The following PTPRD variants were observed in gnomAD, a reference collection of about 807,000 sequenced individuals.
PTPRD encodes protein tyrosine phosphatase receptor type D, also known as receptor-type tyrosine-protein phosphatase delta.
Under a neutral mutation model 214.5 loss-of-function variants are expected in PTPRD, and 34 were observed. The observed-to-expected ratio is 0.16, with a 90% CI of 0.12 to 0.21. The LOEUF (loss-of-function observed/expected upper bound fraction) is 0.21, where lower values mean the gene tolerates loss of function less well. Among genes scored for constraint, PTPRD ranks in the 10% least tolerant of loss-of-function variants. The pLI is 1.00. For missense variants in PTPRD, 2,545 were observed against 2,398.7 expected, an observed-to-expected ratio of 1.06 and a Z score of -1.27; for synonymous variants, 1,128 against 845.7, an observed-to-expected ratio of 1.33 and a Z score of -5.79.
chr9:8,364,122 G>A (rs541904813), intron 39 of PTPRD, among the ~76,000 whole-genome samples: 1 of 152,360 alleles, frequency 6.6e-6, no homozygotes, highest in African/African-American at 2.4e-5. Flanking sequence ...AAATATAAAT[G>A]ATTCCAGCAG....
chr9:9,345,739 G>C (rs557459943), intron 9 of PTPRD, among the ~76,000 whole-genome samples: 2 of 151,624 alleles, frequency 1.3e-5, no homozygotes, highest in Admixed American at 6.6e-5. Context: ...TCAAACATTC[G>C]GTTCCTCCAT....
chr9:10,347,363 T>C (rs948888335), intron 2 of PTPRD, among the ~76,000 whole-genome samples: 4 of 152,140 alleles, frequency 2.6e-5, no homozygotes, highest in Non-Finnish European at 5.9e-5. Flanking sequence ...CTAGCATACT[T>C]TGTATGATTT....
intron 7 of PTPRD, among the ~76,000 whole-genome samples, chr9:9,689,097 G>C (rs1041357622): frequency 1.3e-5 from 2 of 151,828 alleles, no homozygotes; most frequent in Non-Finnish European, 2.9e-5. Context: ...AAGAATGTGA[G>C]TGTTTTTATC....
At chr9:8,513,468 C>A (rs2097721971) in intron 21 of PTPRD, among the ~76,000 whole-genome samples, 1 of 151,940 alleles carries the variant, frequency 6.6e-6, no homozygotes, top group African/African-American at 2.4e-5. Context: ...ATGTGAATGT[C>A]ACAGAATGAA....
At chr9:8,807,345 C>G (rs887197908) in intron 11 of PTPRD, among the ~76,000 whole-genome samples, 1 of 152,024 alleles carries the variant, frequency 6.6e-6, no homozygotes, top group African/African-American at 2.4e-5. Flanking sequence ...TCAACAACAA[C>G]AACAACAAAG....
At chr9:10,332,582 T>C (rs2096771394) in intron 3 of PTPRD, among the ~76,000 whole-genome samples, 1 of 151,828 alleles carries the variant, frequency 6.6e-6, no homozygotes, top group African/African-American at 2.4e-5. Context: ...ACATACTACA[T>C]GCAGCATATA....
At chr9:10,265,366 C>T (rs915723088) in intron 3 of PTPRD, among the ~76,000 whole-genome samples, 19 of 152,156 alleles carry the variant, frequency 1.2e-4, no homozygotes, top group Non-Finnish European at 2.1e-4. Context: ...AAATGAGGCC[C>T]TCTATGACAA....
chr9:10,231,985 A>AGTGT lies in PTPRD; in HGVS notation c.-545+108977_-545+108978insACAC, dbSNP rs1424117716. Among the ~76,000 whole-genome samples, 630 of 96,068 alleles carry AGTGT rather than the reference A, an allele frequency of 6.6e-3. 3 individuals carry two copies. The highest frequency in any genetic ancestry group is 0.015 in the Middle Eastern group (3 of 196). 63.0% of individuals were successfully genotyped at this position (96,068 alleles called of 152,430 possible). On this transcript the variant is annotated intron_variant, in intron 3 of 45. Coordinates refer to ENST00000381196, the MANE Select transcript of PTPRD (RefSeq NM_002839.4). ...GAGAGAGAGAGAGAGAGAGAGAGAG[A>AGTGT]GAGAGTGTGTGTGTGTGTGTGTGTG...
At chr9:9,258,566 C>A (rs1022775542) in intron 9 of PTPRD, among the ~76,000 whole-genome samples, 1 of 151,890 alleles carries the variant, frequency 6.6e-6, no homozygotes, top group Non-Finnish European at 1.5e-5. Context: ...GTCAGAATTA[C>A]ATTGAACAGT....
At chr9:8,918,059 T>G (rs1477229716) in intron 11 of PTPRD, among the ~76,000 whole-genome samples, 4 of 152,154 alleles carry the variant, frequency 2.6e-5, no homozygotes, top group Admixed American at 6.5e-5. Flanking sequence ...AGGGGACATC[T>G]GTTGGGAATA....
chr9:10,014,871 G>C (rs1289654212), intron 4 of PTPRD, among the ~76,000 whole-genome samples: 1 of 152,012 alleles, frequency 6.6e-6, no homozygotes. Context: ...AAATTGAAGA[G>C]ACTTACTGCC....
intron 2 of PTPRD, among the ~76,000 whole-genome samples, chr9:10,581,856 A>G (rs1215403939): frequency 6.6e-6 from 1 of 152,200 alleles, no homozygotes; most frequent in African/African-American, 2.4e-5. Flanking sequence ...ACAGGTTCTT[A>G]TATTAATAAT....
intron 10 of PTPRD, among the ~76,000 whole-genome samples, chr9:9,180,933 G>C (rs568712908): frequency 2.0e-5 from 3 of 152,078 alleles, no homozygotes; most frequent in African/African-American, 7.2e-5. Flanking sequence ...TTCTTAAGTG[G>C]CAAAAATCAT....
intron 12 of PTPRD, among the ~76,000 whole-genome samples, chr9:8,707,054 T>A (rs555154972): frequency 6.6e-6 from 1 of 152,326 alleles, no homozygotes; most frequent in East Asian, 1.9e-4. Flanking sequence ...ATGATTTAAT[T>A]ACCTAGACTA....
At chr9:10,437,475 T>C (rs2098727524) in intron 2 of PTPRD, among the ~76,000 whole-genome samples, 2 of 151,906 alleles carry the variant, frequency 1.3e-5, no homozygotes, top group African/African-American at 2.4e-5. Flanking sequence ...AGAACATTAA[T>C]CCAAAAATTA....
At chr9:10,528,918 G>C (rs1426880467) in intron 2 of PTPRD, among the ~76,000 whole-genome samples, 2 of 152,046 alleles carry the variant, frequency 1.3e-5, no homozygotes, top group Admixed American at 6.6e-5. Context: ...TGTTTGTGTG[G>C]ATAGGGTTAG....
intron 5 of PTPRD, among the ~76,000 whole-genome samples, chr9:9,795,680 T>G (rs559066296): frequency 1.3e-5 from 2 of 152,322 alleles, no homozygotes; most frequent in Non-Finnish European, 2.9e-5. Flanking sequence ...AGTATTTCTT[T>G]GTGGTAGGAC....
intron 10 of PTPRD, among the ~76,000 whole-genome samples, chr9:9,163,671 C>T (rs906049090): frequency 6.6e-6 from 1 of 152,098 alleles, no homozygotes; most frequent in South Asian, 2.1e-4. Context: ...TTAAAGCTGT[C>T]CTACTGCCCT....
At chr9:10,279,935 G>A (rs902723161) in intron 3 of PTPRD, among the ~76,000 whole-genome samples, 2 of 152,054 alleles carry the variant, frequency 1.3e-5, no homozygotes, top group Non-Finnish European at 2.9e-5. Flanking sequence ...CCTATTCACA[G>A]TCCTCGTACT....
Sources: gnomAD v4.1 joint callset for allele counts (sites outside exome capture counted in the v4.1 genomes callset) on GRCh38, gnomAD v4.1.1 for gene constraint, MANE v1.5 for transcripts, NCBI Gene and HGNC (gene_info 2026-07-23, HGNC 2026-07-21) for gene names.